The following TRIM23 variants were observed in gnomAD, a reference collection of about 807,000 sequenced individuals.
TRIM23 encodes the protein tripartite motif containing 23.
A neutral mutation model predicts 71.0 loss-of-function variants in TRIM23; 27 were observed. The observed-to-expected ratio is 0.38, with a 90% confidence interval of 0.28 to 0.52. The LOEUF is 0.52. Among genes scored for constraint, TRIM23 ranks in the 20% least tolerant of loss-of-function variants. The pLI, the probability that TRIM23 is intolerant of heterozygous loss-of-function variation, is 0.84. For missense variants in TRIM23, 482 were observed against 692.3 expected (o/e 0.70, Z 3.41); for synonymous variants, 234 against 238.0 (o/e 0.98, Z 0.16).
chr5:65,614,630 G>A lies in TRIM23; in HGVS notation c.245-411C>T, dbSNP rs1438826959. 2.0e-5 allele frequency among the ~76,000 whole-genome samples: 3 copies of A among 151,872 alleles called. No homozygotes were observed. In the East Asian group the frequency reaches 5.9e-4, roughly 30 times the overall value. ...GGCGCCCATAATCCCAGCCACTCAG[G>A]AGGCTGAGGGACGAGAATTGCTTGA... On this transcript the variant is annotated intron_variant, in intron 2 of 10. Transcript: ENST00000231524.
rs1754041160 is a variant in TRIM23 at position 65,591,881 on chromosome 5, C to G, written c.1613G>C (p.Gly538Ala). Residue 538 changes from glycine to alanine, a missense_variant, in exon 11 of 11, where the codon GGC becomes GCC. Coordinates refer to ENST00000231524, the MANE Select transcript of TRIM23 (RefSeq NM_001656.4). ...ELLSLHKLCCGRSWYIQGCDA... is the reference protein window; with the variant it reads ...ELLSLHKLCCARSWYIQGCDA... ...ACAGCCCTGAATATACCAGCTACGG[C>G]CACAGCATAATTTATGGAGACTGAG... 3.1e-6 allele frequency: 5 copies of G among 1,613,874 alleles called. No homozygotes were observed. Among genetic ancestry groups the G allele is most frequent in the Non-Finnish European group, 3.4e-6 (4 of 1,179,938 alleles).
chr5:65,615,129 T>C (rs926111450), intron 2 of TRIM23, among the ~76,000 whole-genome samples: 10 of 152,048 alleles, frequency 6.6e-5, no homozygotes, highest in African/African-American at 2.4e-4. Flanking sequence ...TCAAAACTCC[T>C]GGCCTAAAGT....
intron 6 of TRIM23, among the ~76,000 whole-genome samples, chr5:65,606,211 A>G (rs1754496014): frequency 6.6e-6 from 1 of 152,200 alleles, no homozygotes; most frequent in African/African-American, 2.4e-5. Flanking sequence ...TGGGAGGCCA[A>G]GGCAGATGGA....
chr5:65,612,331 T>G (rs1377699773), intron 3 of TRIM23, among the ~76,000 whole-genome samples: 1 of 152,180 alleles, frequency 6.6e-6, no homozygotes, highest in East Asian at 1.9e-4. Context: ...TTAGAAAATG[T>G]AGGAGTATGC....
At chr5:65,613,813 A>G in intron 3 of TRIM23, 2 of 1,324,290 alleles carry the variant, frequency 1.5e-6, no homozygotes, top group African/African-American at 1.5e-5. Flanking sequence ...CTTTCTTACT[A>G]TTCCATAATC....
At chr5:65,623,424 G>A (rs1247427921) in intron 1 of TRIM23, among the ~76,000 whole-genome samples, 1 of 152,116 alleles carries the variant, frequency 6.6e-6, no homozygotes, top group African/African-American at 2.4e-5. Flanking sequence ...AAACCAATGG[G>A]ATCAGTTCTC....
intron 7 of TRIM23, among the ~76,000 whole-genome samples, chr5:65,600,698 G>A (rs1293892632): frequency 1.4e-5 from 2 of 147,566 alleles, no homozygotes; most frequent in African/African-American, 5.0e-5. Flanking sequence ...AAAATCAACA[G>A]AGTGAAAAAT....
intron 8 of TRIM23, among the ~76,000 whole-genome samples, 186 bp from the exon 9 acceptor site, chr5:65,596,717 A>G (rs767280720): frequency 6.6e-6 from 1 of 152,036 alleles, no homozygotes; most frequent in Non-Finnish European, 1.5e-5. Context: ...AACAGCTCCT[A>G]GCCCTCTAAA....
At chr5:65,609,212 C>G (rs549456413) in intron 6 of TRIM23, 31 bp downstream of exon 6, 1 of 1,607,934 alleles carries the variant, frequency 6.2e-7, no homozygotes, top group African/African-American at 1.3e-5. Context: ...AAACTTACAA[C>G]TAAGTCCCTA....
intron 2 of TRIM23, among the ~76,000 whole-genome samples, chr5:65,616,171 A>G (rs1377725234): frequency 1.3e-5 from 2 of 152,224 alleles, no homozygotes; most frequent in South Asian, 2.1e-4. Context: ...AATGGTATTA[A>G]TAACTACTCA....
chr5:65,592,557 A>AC (rs1417382902), intron 10 of TRIM23, among the ~76,000 whole-genome samples: 4 of 152,286 alleles, frequency 2.6e-5, no homozygotes, highest in African/African-American at 9.6e-5. Flanking sequence ...ACTTAAAAAA[A>AC]AAAAATTAAC....
chr5:65,594,508 A>G lies in TRIM23; in HGVS notation c.1545+13T>C. On this transcript the variant is annotated intron_variant, in intron 10 of 10. Transcript: ENST00000231524. ...ACTACTAAAATAAATATTCCAATAT[A>G]AAAATGCATTACCTGTTTGTTAGCA... 8 of 1,595,590 alleles carry G rather than the reference A, an allele frequency of 5.0e-6. No individual in the cohort carries two copies. The highest frequency in any genetic ancestry group is 6.8e-6 in the Non-Finnish European group (8 of 1,174,932).
In TRIM23 at chr5:65,590,371, T is replaced by A; in HGVS notation, c.*1398A>T. 1.4e-6 allele frequency: 2 copies of A among 1,446,266 alleles called. No homozygotes were observed. The highest frequency in any genetic ancestry group is 1.8e-6 in the Non-Finnish European group (2 of 1,089,498). The allele number at this position is 1,446,266 out of a possible 1,614,324, so 89.6% of individuals were successfully genotyped here. ...TTGCCCATAATACTGATAGGCTTTT[T>A]TTTTAATGCTTTGTTTTCTAAAACT... On this transcript the variant is annotated 3_prime_UTR_variant, in exon 11 of 11. Coordinates refer to ENST00000231524, the MANE Select transcript of TRIM23 (RefSeq NM_001656.4).
intron 1 of TRIM23, among the ~76,000 whole-genome samples, chr5:65,623,461 G>T (rs1755007157): frequency 6.6e-6 from 1 of 152,196 alleles, no homozygotes; most frequent in African/African-American, 2.4e-5. Context: ...GTGCACAACA[G>T]TGGAAGGGAA....
At position 65,591,917 on chromosome 5, in the gene TRIM23, A is replaced by C. The variant is rs1293701094; in HGVS notation, c.1577T>G (p.Ile526Ser). The C allele has an allele frequency of 6.2e-7, 1 of 1,613,740 alleles. No homozygotes were observed. The highest frequency in any genetic ancestry group is 8.5e-7 in the Non-Finnish European group (1 of 1,179,824). ...TTTATGGAGACTGAGTAGTTCAGTG[A>C]TTTCTTCTACTGACAGTGCTCCAGC... ...DVAGALSVEE[I>S]TELLSLHKLC... The change falls in exon 11 of 11, where the codon ATC (isoleucine) becomes AGC (serine). Residue 526 changes from isoleucine to serine, a missense_variant. By Grantham distance (142) the Ile-to-Ser change is moderately radical (BLOSUM62 -2). Around this residue, in one of 2 missense-constraint regions of TRIM23, gnomAD observed 307 missense variants for 495.8 expected, o/e 0.62. Coordinates refer to ENST00000231524, the MANE Select transcript of TRIM23 (RefSeq NM_001656.4).
rs778896527 is a variant in TRIM23, at chr5:65,596,537, T to C, written c.1310-6A>G. The C allele has an allele frequency of 1.9e-6, 3 of 1,550,804 alleles. No individual in the cohort carries two copies. Among genetic ancestry groups the C allele is most frequent in the African/African-American group, 2.8e-5 (2 of 71,898 alleles). On this transcript the variant is annotated splice_region_variant and splice_polypyrimidine_tract_variant and intron_variant, in intron 8 of 10. Coordinates refer to ENST00000231524, the MANE Select transcript of TRIM23 (RefSeq NM_001656.4). ...TACAGTTTCCACGTTAAAACCTGTT[T>C]TAAAAAAAAAGTTACTTTTATACTA...
At chr5:65,619,218 C>G (rs1754854367) in intron 1 of TRIM23, among the ~76,000 whole-genome samples, 1 of 152,154 alleles carries the variant, frequency 6.6e-6, no homozygotes, top group African/African-American at 2.4e-5. Flanking sequence ...TTATAGTTCT[C>G]AGAACATGAG....
intron 1 of TRIM23, 118 bp downstream of exon 1, chr5:65,624,076 G>A (rs965751567): frequency 8.5e-7 from 1 of 1,174,892 alleles, no homozygotes; most frequent in African/African-American, 1.5e-5. Flanking sequence ...ATGCCAAAAG[G>A]GGCCCAGAGG....
In TRIM23 at chr5:65,592,018, T is replaced by C. The variant is rs1341122661; in HGVS notation, c.1546-70A>G. 5 of 1,451,120 alleles carry C rather than the reference T, an allele frequency of 3.4e-6. No individual in the cohort carries two copies. The African/African-American group carries it at 7.1e-5, about 21-fold the overall frequency. 89.9% of individuals were successfully genotyped at this position (1,451,120 alleles called of 1,614,324 possible). A position where few individuals can be genotyped will look rare whatever the true frequency, so the allele number is the denominator to read the frequency against. ...TAATTTTTCTAATTATCACCATTTATAGAGAAATTTGTTGACAGTGTTCTA... is the reference window on the plus strand; with the variant it reads ...TAATTTTTCTAATTATCACCATTTACAGAGAAATTTGTTGACAGTGTTCTA... On this transcript the variant is annotated intron_variant, in intron 10 of 10. Coordinates refer to ENST00000231524, the MANE Select transcript of TRIM23 (RefSeq NM_001656.4).
Sources: allele counts gnomAD v4.1 joint callset (sites outside exome capture counted in the v4.1 genomes callset), GRCh38; gene constraint gnomAD v4.1.1; regional missense constraint gnomAD v4.1.1; transcripts MANE v1.5; gene names NCBI Gene and HGNC (gene_info 2026-07-23, HGNC 2026-07-21).